HMCES: variants seen among roughly 807,000 people sequenced by gnomAD.
HMCES encodes abasic site processing protein HMCES.
A neutral mutation model predicts 35.1 loss-of-function variants in HMCES; 27 were observed. The ratio of observed to expected loss-of-function variants is 0.77; its 90% confidence interval spans 0.57 to 1.06. The LOEUF (loss-of-function observed/expected upper bound fraction) is 1.06, where lower values mean the gene tolerates loss of function less well. HMCES is among the 50% of genes least tolerant of loss of function. HMCES has a pLI of 0.00. For synonymous variants in HMCES, 130 were observed against 154.7 expected, an observed-to-expected ratio of 0.84 and a Z score of 1.18; for missense variants, 391 against 430.4, an observed-to-expected ratio of 0.91 and a Z score of 0.81.
chr3:129,304,727 C>T lies in HMCES; in HGVS notation c.967C>T (p.Pro323Ser). ...GTCCAGTCAGTTCCTGCAGAAGAGT[C>T]CACTCCCCACCAAGAGAGGCACTGC... ...QWSSQFLQKS[P>S]LPTKRGTAGL... is the part of the protein sequence containing the mutation. Residue 323 changes from proline (P) to serine (S), a missense_variant, in exon 7 of 7, where the codon CCA becomes TCA. Pro to Ser is a moderately conservative substitution (Grantham distance 74, BLOSUM62 -1). Transcript: ENST00000383463. The T allele has an allele frequency of 6.2e-7, 1 of 1,614,152 alleles. No homozygotes were observed. The highest frequency in any genetic ancestry group is 1.1e-5 in the South Asian group (1 of 91,072).
At chr3:129,294,071 T>C (rs953844927) in intron 4 of HMCES, among the ~76,000 whole-genome samples, 1 of 152,186 alleles carries the variant, frequency 6.6e-6, no homozygotes, top group Non-Finnish European at 1.5e-5. Context: ...TTGGGAATAA[T>C]CTTTTATAAT....
At chr3:129,302,193 A>G (rs758519274) in intron 6 of HMCES, 51 bp downstream of exon 6, 16 of 1,470,530 alleles carry the variant, frequency 1.1e-5, no homozygotes, top group East Asian at 2.3e-5. Flanking sequence ...GTCTTCTGTC[A>G]GTGTTCTCTT....
In HMCES at chr3:129,298,477, T is replaced by C. The variant is rs766084834; in HGVS notation, c.577T>C (p.Tyr193His). ...GCCCCCAGAGGGAGGAGATGTCCTG[T>C]ATTCCTATACCATCATCACAGTGGA... ...WEPPEGGDVL[Y>H]SYTIITVDSC... Residue 193 changes from tyrosine to histidine, a missense_variant, in exon 5 of 7, where the codon TAT (tyrosine) becomes CAT (histidine). Physicochemically the swap from Tyr to His is moderately conservative, Grantham distance 83. Coordinates refer to ENST00000383463, the MANE Select transcript of HMCES (RefSeq NM_020187.3). 3.1e-6 allele frequency: 5 copies of C among 1,614,160 alleles called. No homozygotes were observed. The Admixed American group carries it at 8.3e-5, about 27-fold the overall frequency.
rs562314224 is a variant in HMCES at position 129,300,555 on chromosome 3, G to C, written c.636-1395G>C. Among the ~76,000 whole-genome samples, 9 of 152,280 alleles carry C rather than the reference G, an allele frequency of 5.9e-5. No homozygotes were observed. In the East Asian group the frequency reaches 7.7e-4, roughly 13 times the overall value. Reference sequence around the variant, plus strand: ...CTGAAAAGAATGCAGTGTGACACCTGTCAGGATTACCTGCTTTAGCCTTGT... The same window carrying C: ...CTGAAAAGAATGCAGTGTGACACCTCTCAGGATTACCTGCTTTAGCCTTGT... On this transcript the variant is annotated intron_variant, in intron 5 of 6. Coordinates refer to ENST00000383463, the MANE Select transcript of HMCES (RefSeq NM_020187.3).
rs35145445 is a variant in HMCES at position 129,300,166 on chromosome 3, T to TTATATATATA, written c.635+1648_635+1657dup. ...TGTTTGAGATGTTAAATGTGCATCT[T>TTATATATATA]TATATATATATATATATATATATAT... On this transcript the variant is annotated intron_variant, in intron 5 of 6. Coordinates refer to ENST00000383463, the MANE Select transcript of HMCES (RefSeq NM_020187.3). 6.4e-3 allele frequency among the ~76,000 whole-genome samples: 906 copies of TTATATATATA among 141,186 alleles called. 9 individuals carry two copies. The highest frequency in any genetic ancestry group is 0.021 in the African/African-American group (838 of 39,352). 92.6% of individuals were successfully genotyped at this position (141,186 alleles called of 152,430 possible). A position where few individuals can be genotyped will look rare whatever the true frequency, so the allele number is the denominator to read the frequency against.
In HMCES at chr3:129,302,108, AGT is replaced by A; in HGVS notation, c.797_798del (p.Cys266SerfsTer18). The stretch of plus-strand genomic sequence containing the variant: ...AACAACTCGCGAAACAACACTCCTG[AGT>A]GTCTGGCTCCTGTCGACTTGGTGGT... On this transcript the variant is annotated frameshift_variant, in exon 6 of 7. Coordinates refer to ENST00000383463, the MANE Select transcript of HMCES (RefSeq NM_020187.3). LOFTEE classifies it high-confidence loss of function. The A allele has an allele frequency of 1.2e-6, 2 of 1,613,912 alleles. No individual in the cohort carries two copies. The highest frequency in any genetic ancestry group is 1.7e-6 in the Non-Finnish European group (2 of 1,179,920).
At chr3:129,278,967 A>C (rs576665113) in intron 1 of HMCES, 62 bp downstream of exon 1, 19 of 150,566 alleles carry the variant, frequency 1.3e-4, no homozygotes, top group African/African-American at 4.7e-4. Context: ...AGGGGAAAGG[A>C]AGCGACGCGA....
At chr3:129,291,238 A>G (rs2071011879) in intron 4 of HMCES, among the ~76,000 whole-genome samples, 1 of 152,216 alleles carries the variant, frequency 6.6e-6, no homozygotes, top group Non-Finnish European at 1.5e-5. Context: ...GAGCTCATTG[A>G]GAGATAATTC....
In HMCES at chr3:129,279,830, G is replaced by A. The variant is rs755376352; in HGVS notation, c.98G>A (p.Arg33Lys). The change falls in exon 2 of 7, where the codon AGG (arginine) becomes AAG (lysine). Residue 33 changes from arginine (R) to lysine (K), a missense_variant. Physicochemically the swap from Arg to Lys is conservative, Grantham distance 26. Coordinates refer to ENST00000383463, the MANE Select transcript of HMCES (RefSeq NM_020187.3). The surrounding 1 kb of genome is among the most constrained non-coding windows in gnomAD (Gnocchi z 4.2). ...GGCCAGCAGCGGCTCCCGGAGTGGA[G>A]GGACCCTGATAAGTACTGCCCCTCT... ...RRGQQRLPEW[R>K]DPDKYCPSYN... The A allele has an allele frequency of 4.3e-6, 7 of 1,613,498 alleles. No individual in the cohort carries two copies. The Admixed American group carries it at 1.0e-4, about 23-fold the overall frequency.
chr3:129,286,942 G>C (rs530745271), intron 2 of HMCES, among the ~76,000 whole-genome samples: 3 of 152,126 alleles, frequency 2.0e-5, no homozygotes, highest in African/African-American at 7.2e-5. Flanking sequence ...ACAACCATGC[G>C]TTGGGAGTCC....
chr3:129,288,065 AT>A (rs974708574), intron 2 of HMCES, among the ~76,000 whole-genome samples: 9 of 152,022 alleles, frequency 5.9e-5, no homozygotes, highest in African/African-American at 2.2e-4. Context: ...TCAAAAAAAA[AT>A]AAAAATAAAA....
intron 3 of HMCES, among the ~76,000 whole-genome samples, chr3:129,289,843 A>G (rs1369576193): frequency 6.6e-6 from 1 of 152,166 alleles, no homozygotes; most frequent in Non-Finnish European, 1.5e-5. Flanking sequence ...TTTTATGTAC[A>G]TTATTTAATC....
At chr3:129,292,635 G>A (rs2071035238) in intron 4 of HMCES, among the ~76,000 whole-genome samples, 1 of 151,674 alleles carries the variant, frequency 6.6e-6, no homozygotes, top group Non-Finnish European at 1.5e-5. Flanking sequence ...TGGGACTACA[G>A]GCGTGTGCCA....
intron 3 of HMCES, among the ~76,000 whole-genome samples, chr3:129,289,952 CCAAGAT>C (rs1940753284): frequency 6.6e-6 from 1 of 151,998 alleles, no homozygotes; most frequent in Non-Finnish European, 1.5e-5. Flanking sequence ...CTTTGGGAGG[CCAAGAT>C]GGGCGGATCA....
At chr3:129,280,556 C>G (rs1210231110) in intron 2 of HMCES, among the ~76,000 whole-genome samples, 1 of 152,174 alleles carries the variant, frequency 6.6e-6, no homozygotes, top group Admixed American at 6.5e-5. Flanking sequence ...ACCAGGCCAG[C>G]TTAATCAGAC....
At chr3:129,290,902 A>T (rs2071006929) in intron 4 of HMCES, 98 bp downstream of exon 4, 1 of 1,260,044 alleles carries the variant, frequency 7.9e-7, no homozygotes, top group Non-Finnish European at 1.1e-6. Flanking sequence ...TTATTTATTT[A>T]TTTTAAAATA....
chr3:129,304,015 G>C (rs980876231), intron 6 of HMCES, among the ~76,000 whole-genome samples: 2 of 152,078 alleles, frequency 1.3e-5, no homozygotes, highest in African/African-American at 4.8e-5. Context: ...AAAGTGCTGG[G>C]ATTACAGGCA....
chr3:129,303,054 C>T (rs1384738157), intron 6 of HMCES, among the ~76,000 whole-genome samples: 1 of 152,120 alleles, frequency 6.6e-6, no homozygotes, highest in Non-Finnish European at 1.5e-5. Flanking sequence ...TAGTCTCCTT[C>T]AGGAGGATTT....
chr3:129,288,083 G>T (rs1025488275), intron 2 of HMCES, among the ~76,000 whole-genome samples: 11 of 149,932 alleles, frequency 7.3e-5, no homozygotes, highest in African/African-American at 2.7e-4. Context: ...AAAAAAATTC[G>T]AGACCTGCCT....
Sources: gnomAD v4.1 joint callset for allele counts (sites outside exome capture counted in the v4.1 genomes callset) on GRCh38, gnomAD v4.1.1 for gene constraint, Gnocchi (gnomAD v3.1) non-coding constraint, MANE v1.5 for transcripts, NCBI Gene and HGNC (gene_info 2026-07-23, HGNC 2026-07-21) for gene names.